SIAH3: variants seen among roughly 807,000 people sequenced by gnomAD.
SIAH3 encodes the protein siah E3 ubiquitin protein ligase family member 3.
In SIAH3, 9 loss-of-function variants were observed where a neutral mutation model predicts 12.6. That is an observed-to-expected ratio of 0.72 (90% CI 0.43 to 1.25). The LOEUF is 1.25. SIAH3 is among the 50% of genes most tolerant of loss of function. The pLI is 0.00. For missense variants in SIAH3, 390 were observed against 365.4 expected (o/e 1.07, Z -0.55); for synonymous variants, 154 against 151.1 (o/e 1.02, Z -0.14).
chr13:45,845,499 GTTTATACA>G (rs1566099282), intron 1 of SIAH3, among the ~76,000 whole-genome samples: 2 of 152,002 alleles, frequency 1.3e-5, no homozygotes, highest in African/African-American at 4.8e-5. Context: ...AGTAATACGC[GTTTATACA>G]TTTCCCTTTT....
chr13:45,813,007 G>C (rs1441802343), intron 1 of SIAH3, among the ~76,000 whole-genome samples: 2 of 152,240 alleles, frequency 1.3e-5, no homozygotes, highest in Non-Finnish European at 2.9e-5. Context: ...GCTCCCATCT[G>C]GATGGTAGGG....
At chr13:45,786,606 A>G (rs1036419128) in intron 1 of SIAH3, among the ~76,000 whole-genome samples, 1 of 152,240 alleles carries the variant, frequency 6.6e-6, no homozygotes, top group African/African-American at 2.4e-5. Context: ...AGATCAAATG[A>G]GAGAATGTCT....
chr13:45,812,573 C>T (rs1344119653), intron 1 of SIAH3, among the ~76,000 whole-genome samples: 1 of 152,118 alleles, frequency 6.6e-6, no homozygotes, highest in Non-Finnish European at 1.5e-5. Flanking sequence ...ATAATGATTG[C>T]TATCATGACA....
rs1284613585 is a variant in SIAH3 at position 45,779,772 on chromosome 13, A to G, written c.*3611T>C. On this transcript the variant is annotated 3_prime_UTR_variant, in exon 2 of 2. Coordinates refer to ENST00000400405, the MANE Select transcript of SIAH3 (RefSeq NM_198849.3). ...TCAATAAGTGGTAGCCATGAGTACT[A>G]TTATGGTTACTATGCTGATCTATTC... The G allele has an allele frequency of 1.3e-5, 2 of 152,232 alleles. No individual in the cohort carries two copies. Among genetic ancestry groups the G allele is most frequent in the East Asian group, 3.8e-4 (2 of 5,204 alleles). The allele number at this position is 152,232 out of a possible 1,614,324, so 9.4% of individuals were successfully genotyped here.
At chr13:45,784,398 G>GTTTT (rs35686357) in intron 1 of SIAH3, among the ~76,000 whole-genome samples, 35 of 65,744 alleles carry the variant, frequency 5.3e-4, no homozygotes, top group East Asian at 7.2e-4. Flanking sequence ...AAAGACAGCT[G>GTTTT]TTTTTTTTTT....
At chr13:45,792,360 A>ATT (rs35546034) in intron 1 of SIAH3, among the ~76,000 whole-genome samples, 97,211 of 145,614 alleles carry the variant, frequency 0.67, 33,064 homozygotes, top group Non-Finnish European at 0.75. Context: ...GAAGGTATAA[A>ATT]TTTTTTTTTT....
rs1950495253 is a variant in SIAH3 at position 45,779,286 on chromosome 13, T to C, written c.*4097A>G. 6.6e-6 allele frequency: 1 copy of C among 152,246 alleles called. No individual in the cohort carries two copies. 9.4% of individuals were successfully genotyped at this position (152,246 alleles called of 1,614,324 possible). On this transcript the variant is annotated 3_prime_UTR_variant, in exon 2 of 2. Coordinates refer to ENST00000400405, the MANE Select transcript of SIAH3 (RefSeq NM_198849.3). ...AATATAATTTATTTAATTGTAAATG[T>C]ATATCATTTTTAATACTGACTGTAC...
chr13:45,829,936 AG>A (rs1437813053), intron 1 of SIAH3, among the ~76,000 whole-genome samples: 1 of 152,152 alleles, frequency 6.6e-6, no homozygotes. Context: ...GCTGCGGTAC[AG>A]GCCTGCCTCT....
chr13:45,792,837 G>A (rs776722574), intron 1 of SIAH3, among the ~76,000 whole-genome samples: 15 of 152,184 alleles, frequency 9.9e-5, no homozygotes, highest in Non-Finnish European at 2.2e-4. Flanking sequence ...ATGCTGCCCT[G>A]TCTCTATTCT....
intron 1 of SIAH3, among the ~76,000 whole-genome samples, chr13:45,808,246 C>T (rs1950604525): frequency 6.6e-6 from 1 of 150,730 alleles, no homozygotes; most frequent in Admixed American, 6.6e-5. Flanking sequence ...CTAAAAGTGT[C>T]CTGGTATATA....
chr13:45,811,551 C>T (rs1014053562), intron 1 of SIAH3, among the ~76,000 whole-genome samples: 1 of 152,148 alleles, frequency 6.6e-6, no homozygotes, highest in Admixed American at 6.5e-5. Context: ...CATCCTTGAC[C>T]TCCTGGGCTA....
chr13:45,848,111 G>T (rs1950766843), intron 1 of SIAH3, among the ~76,000 whole-genome samples: 2 of 152,186 alleles, frequency 1.3e-5, no homozygotes, highest in Admixed American at 6.5e-5. Flanking sequence ...AGGACCAGGA[G>T]CAGGCGCCCT....
At chr13:45,851,379 A>C (rs1566100575) in intron 1 of SIAH3, 116 bp downstream of exon 1, 6 of 1,388,996 alleles carry the variant, frequency 4.3e-6, no homozygotes, top group Non-Finnish European at 4.0e-6. Flanking sequence ...ACACCGTCCC[A>C]GCCCCCGAGA....
At chr13:45,829,855 C>T (rs970691) in intron 1 of SIAH3, among the ~76,000 whole-genome samples, 72,814 of 151,792 alleles carry the variant, frequency 0.48, 18,806 homozygotes, top group African/African-American at 0.67. Context: ...TTTTTAGAGG[C>T]GCTTGGGTTC....
intron 1 of SIAH3, among the ~76,000 whole-genome samples, chr13:45,836,099 A>G (rs1566097037): frequency 6.6e-6 from 1 of 152,208 alleles, no homozygotes. Context: ...GTGAATGCGT[A>G]GAGTGGAGAG....
At chr13:45,801,981 G>GTT (rs1950583891) in intron 1 of SIAH3, among the ~76,000 whole-genome samples, 1 of 152,196 alleles carries the variant, frequency 6.6e-6, no homozygotes, top group Non-Finnish European at 1.5e-5. Flanking sequence ...ATATTACACA[G>GTT]AAGAATCAAC....
At chr13:45,801,829 G>T (rs1315385661) in intron 1 of SIAH3, among the ~76,000 whole-genome samples, 2 of 152,160 alleles carry the variant, frequency 1.3e-5, no homozygotes, top group Non-Finnish European at 2.9e-5. Context: ...TATTCTGCAT[G>T]CTCCAGGCAT....
chr13:45,833,020 C>T (rs865923952), intron 1 of SIAH3, among the ~76,000 whole-genome samples: 2 of 152,248 alleles, frequency 1.3e-5, no homozygotes, highest in South Asian at 4.1e-4. Flanking sequence ...ATCCCTATTG[C>T]CAATGACAGC....
At chr13:45,831,666 C>T (rs1308002666) in intron 1 of SIAH3, among the ~76,000 whole-genome samples, 3 of 152,190 alleles carry the variant, frequency 2.0e-5, no homozygotes, top group Admixed American at 6.5e-5. Flanking sequence ...TTTCAGACAG[C>T]GGTGAGTGCT....
Sources: allele counts gnomAD v4.1 joint callset (sites outside exome capture counted in the v4.1 genomes callset), GRCh38; gene constraint gnomAD v4.1.1; transcripts MANE v1.5; gene names NCBI Gene and HGNC (gene_info 2026-07-23, HGNC 2026-07-21).